ALK: variants seen among roughly 807,000 people sequenced by gnomAD.
ALK encodes ALK tyrosine kinase receptor.
ALK carries 74 observed loss-of-function variants against 163.1 expected under a neutral mutation model. That is an observed-to-expected ratio of 0.45 (90% confidence interval 0.38 to 0.55). ALK has a LOEUF of 0.55. ALK is among the 20% of genes least tolerant of loss of function. The pLI is 0.00. For missense variants in ALK, 2,063 were observed against 2,105.3 expected (o/e 0.98, Z 0.39); for synonymous variants, 960 against 843.2 (o/e 1.14, Z -2.40).
intron 5 of ALK, among the ~76,000 whole-genome samples, chr2:29,366,233 C>T (rs1319702861): frequency 1.3e-5 from 2 of 152,150 alleles, no homozygotes; most frequent in Non-Finnish European, 2.9e-5. Context: ...ACCCTGTGGG[C>T]TGGGAGCAGA....
chr2:29,613,481 C>G (rs1444549571), intron 3 of ALK, among the ~76,000 whole-genome samples: 2 of 152,176 alleles, frequency 1.3e-5, no homozygotes, highest in Non-Finnish European at 2.9e-5. Flanking sequence ...TTTAAAAAAT[C>G]AGCTTTGGAA....
Position 29,891,610 on chromosome 2 carries a change from T to C in ALK, c.667+28383A>G, listed in dbSNP as rs557434505. Among the ~76,000 whole-genome samples the C allele has an allele frequency of 1.7e-3, 257 of 152,314 alleles. 2 individuals carry two copies. Among genetic ancestry groups the C allele is most frequent in the South Asian group, 3.9e-3 (19 of 4,832 alleles). On this transcript the variant is annotated intron_variant, in intron 1 of 28. Transcript: ENST00000389048. The stretch of plus-strand genomic sequence containing the variant: ...GAGGCCCATAAAGTAGAACATTTTA[T>C]AGTTCTGGGGAGAACCATAAGAACT...
rs575741976 is a variant in ALK at position 29,466,982 on chromosome 2, T to G, written c.1154+64933A>C. On this transcript the variant is annotated intron_variant, in intron 4 of 28. Coordinates refer to ENST00000389048, the MANE Select transcript of ALK (RefSeq NM_004304.5). Reference sequence around the variant, plus strand: ...TGTGATGTGTGATCAGTATTTCTTCTTTTTTGGGAACTGCCGCATCTCCAG... The same window carrying G: ...TGTGATGTGTGATCAGTATTTCTTCGTTTTTGGGAACTGCCGCATCTCCAG... Among the ~76,000 whole-genome samples the G allele has an allele frequency of 3.9e-3, 594 of 152,344 alleles. 1 individual carries two copies. The highest frequency in any genetic ancestry group is 0.014 in the African/African-American group (577 of 41,576).
At chr2:29,372,567 G>A (rs1435329811) in intron 5 of ALK, among the ~76,000 whole-genome samples, 2 of 152,190 alleles carry the variant, frequency 1.3e-5, no homozygotes, top group African/African-American at 4.8e-5. Flanking sequence ...GTCAGGTGAG[G>A]CACACAGTAT....
intron 11 of ALK, among the ~76,000 whole-genome samples, chr2:29,256,814 G>A (rs1664960571): frequency 6.6e-6 from 1 of 152,122 alleles, no homozygotes; most frequent in Non-Finnish European, 1.5e-5. Context: ...GTGGAGCATG[G>A]GCTGTGCAGG....
chr2:29,207,410 TCAGGAGGAGAG>T (rs1267701079), intron 25 of ALK, 138 bp from the exon 26 acceptor site: 5 of 729,812 alleles, frequency 6.9e-6, no homozygotes, highest in Middle Eastern at 2.3e-4. Context: ...CCTTGGCGGT[TCAGGAGGAGAG>T]CAGGGGCACA....
chr2:29,813,199 C>T (rs961038563), intron 1 of ALK, among the ~76,000 whole-genome samples: 1 of 152,212 alleles, frequency 6.6e-6, no homozygotes, highest in South Asian at 2.1e-4. Flanking sequence ...TCATGCCTTT[C>T]TCCAGCCAGT....
intron 10 of ALK, 56 bp downstream of exon 10, chr2:29,275,346 G>T: frequency 6.2e-7 from 1 of 1,608,310 alleles, no homozygotes; most frequent in South Asian, 1.1e-5. Flanking sequence ...AGGGGACAAT[G>T]AGGCCATGGG....
intron 15 of ALK, among the ~76,000 whole-genome samples, chr2:29,231,451 T>G (rs1664204950): frequency 6.6e-6 from 1 of 152,182 alleles, no homozygotes; most frequent in African/African-American, 2.4e-5. Context: ...AAAACAGGAA[T>G]GGTATCTGCC....
chr2:29,704,793 G>T (rs529639410), intron 2 of ALK, among the ~76,000 whole-genome samples: 1 of 152,232 alleles, frequency 6.6e-6, no homozygotes, highest in Admixed American at 6.5e-5. Flanking sequence ...GGGGCCAGAA[G>T]CAAAGGGGAA....
intron 1 of ALK, among the ~76,000 whole-genome samples, chr2:29,869,814 A>G (rs573414298): frequency 6.6e-6 from 1 of 152,330 alleles, no homozygotes; most frequent in East Asian, 1.9e-4. Context: ...CACAAAGATT[A>G]TAAGCAAAGA....
At chr2:29,623,042 T>C (rs1019086673) in intron 3 of ALK, among the ~76,000 whole-genome samples, 2 of 152,222 alleles carry the variant, frequency 1.3e-5, no homozygotes, top group Non-Finnish European at 2.9e-5. Flanking sequence ...GAATGAACAA[T>C]TTTTTAACCA....
chr2:29,381,262 T>C (rs1218548470), intron 5 of ALK, among the ~76,000 whole-genome samples: 1 of 152,280 alleles, frequency 6.6e-6, no homozygotes, highest in Non-Finnish European at 1.5e-5. Context: ...ATGTAACACA[T>C]AAAGGCATTG....
chr2:29,218,268 A>G lies in ALK; in HGVS notation c.3645+2438T>C, dbSNP rs942465846. Among the ~76,000 whole-genome samples, 7 of 152,272 alleles carry G rather than the reference A, an allele frequency of 4.6e-5. 1 individual carries two copies. Among genetic ancestry groups the G allele is most frequent in the South Asian group, 4.1e-4 (2 of 4,820 alleles). On this transcript the variant is annotated intron_variant, in intron 23 of 28. Coordinates refer to ENST00000389048, the MANE Select transcript of ALK (RefSeq NM_004304.5). ...AGCCACACAGAGGAAAAGCGGGGCCAAGGGTTGAAAGAGCAGATTGGGTGA... is the reference window on the plus strand; with the variant it reads ...AGCCACACAGAGGAAAAGCGGGGCCGAGGGTTGAAAGAGCAGATTGGGTGA...
chr2:29,907,988 A>G (rs1667594397), intron 1 of ALK, among the ~76,000 whole-genome samples: 1 of 152,004 alleles, frequency 6.6e-6, no homozygotes, highest in African/African-American at 2.4e-5. Context: ...CTGGGCATCT[A>G]TTGGCCCAGC....
intron 5 of ALK, among the ~76,000 whole-genome samples, chr2:29,367,414 A>G (rs1330046920): frequency 6.6e-6 from 1 of 152,250 alleles, no homozygotes; most frequent in Non-Finnish European, 1.5e-5. Flanking sequence ...TCAATCTGCT[A>G]ATCTGTAAAA....
At chr2:29,431,270 G>A (rs1670265888) in intron 4 of ALK, among the ~76,000 whole-genome samples, 1 of 152,154 alleles carries the variant, frequency 6.6e-6, no homozygotes, top group South Asian at 2.1e-4. Context: ...CTCTCAGGTT[G>A]TATCTCCCAA....
chr2:29,257,792 G>A (rs778763092), intron 11 of ALK, among the ~76,000 whole-genome samples: 1 of 152,160 alleles, frequency 6.6e-6, no homozygotes, highest in Non-Finnish European at 1.5e-5. Context: ...GGGCACCCTA[G>A]GTCCCAGTAA....
intron 5 of ALK, among the ~76,000 whole-genome samples, chr2:29,339,692 T>C (rs141501851): frequency 6.6e-6 from 1 of 152,074 alleles, no homozygotes; most frequent in Non-Finnish European, 1.5e-5. Flanking sequence ...GCTGGTGACA[T>C]AGAGATGGAG....
Sources: allele counts gnomAD v4.1 joint callset (sites outside exome capture counted in the v4.1 genomes callset), GRCh38; gene constraint gnomAD v4.1.1; transcripts MANE v1.5; gene names NCBI Gene and HGNC (gene_info 2026-07-23, HGNC 2026-07-21).